Variants in TRPC4 observed in about 807,000 individuals in gnomAD.
TRPC4 encodes short transient receptor potential channel 4.
TRPC4 carries 49 observed loss-of-function variants against 99.4 expected under a neutral mutation model. The observed-to-expected ratio is 0.49, with a 90% CI of 0.39 to 0.63. The LOEUF (loss-of-function observed/expected upper bound fraction) is 0.63, where lower values mean the gene tolerates loss of function less well. Among genes scored for constraint, TRPC4 ranks in the 20% least tolerant of loss-of-function variants. The pLI is 0.00. For synonymous variants in TRPC4, 454 were observed against 425.9 expected (o/e 1.07, Z -0.81); for missense variants, 898 against 1,152.9 (o/e 0.78, Z 3.20).
In TRPC4 at chr13:37,635,063, A is replaced by G. The variant is rs1430202836; in HGVS notation, c.*1840T>C. ...ATGTTTTTAAAATCTACTAACTTTA[A>G]TGTAATTTAGTCTAAAGAATCAAAT... On this transcript the variant is annotated 3_prime_UTR_variant, in exon 11 of 11. Transcript: ENST00000379705. Among the ~76,000 whole-genome samples, 2 of 152,052 alleles carry G rather than the reference A, an allele frequency of 1.3e-5. No homozygotes were observed. The highest frequency in any genetic ancestry group is 4.8e-5 in the African/African-American group (2 of 41,426).
intron 1 of TRPC4, among the ~76,000 whole-genome samples, chr13:37,827,530 G>A (rs371482424): frequency 2.7e-4 from 41 of 151,328 alleles, no homozygotes; most frequent in Admixed American, 1.1e-3. Context: ...AGTACCCTGC[G>A]GTGTGAGGTG....
chr13:37,866,187 AT>A (rs1959734217), intron 1 of TRPC4, among the ~76,000 whole-genome samples: 1 of 151,814 alleles, frequency 6.6e-6, no homozygotes, highest in Non-Finnish European at 1.5e-5. Flanking sequence ...ATCAAGGCAT[AT>A]TTTTAAATTA....
intron 3 of TRPC4, among the ~76,000 whole-genome samples, chr13:37,740,543 G>C (rs1163703813): frequency 6.6e-6 from 1 of 152,136 alleles, no homozygotes; most frequent in Non-Finnish European, 1.5e-5. Flanking sequence ...CACAGTGTCT[G>C]CTCTATTTGT....
chr13:37,846,914 C>T (rs1017241015), intron 1 of TRPC4, among the ~76,000 whole-genome samples: 10 of 151,784 alleles, frequency 6.6e-5, no homozygotes, highest in African/African-American at 1.9e-4. Context: ...AGTAGTTACA[C>T]TTAGACAAAA....
At chr13:37,787,250 C>T (rs983315910) in intron 1 of TRPC4, among the ~76,000 whole-genome samples, 1 of 151,904 alleles carries the variant, frequency 6.6e-6, no homozygotes, top group Non-Finnish European at 1.5e-5. Flanking sequence ...TGAAAAGATA[C>T]ATGTTTACGG....
At chr13:37,806,081 CA>C (rs1957523298) in intron 1 of TRPC4, among the ~76,000 whole-genome samples, 1 of 151,896 alleles carries the variant, frequency 6.6e-6, no homozygotes. Context: ...TAGAAAGAAG[CA>C]TGCCTTTATT....
chr13:37,725,744 A>G (rs899344563), intron 3 of TRPC4, among the ~76,000 whole-genome samples: 6 of 152,192 alleles, frequency 3.9e-5, no homozygotes, highest in South Asian at 2.1e-4. Flanking sequence ...AAAGATTCCT[A>G]TATCTGGCAA....
At chr13:37,723,973 A>G (rs1448436883) in intron 3 of TRPC4, among the ~76,000 whole-genome samples, 1 of 152,192 alleles carries the variant, frequency 6.6e-6, no homozygotes, top group African/African-American at 2.4e-5. Context: ...ATAAATGCAA[A>G]GATTCTTTTA....
chr13:37,703,240 G>A (rs1384505880), intron 3 of TRPC4, among the ~76,000 whole-genome samples: 1 of 152,066 alleles, frequency 6.6e-6, no homozygotes, highest in Non-Finnish European at 1.5e-5. Flanking sequence ...CCACTTGAAA[G>A]CCACACAGGT....
At chr13:37,742,534 T>C (rs1955624211) in intron 3 of TRPC4, among the ~76,000 whole-genome samples, 1 of 152,138 alleles carries the variant, frequency 6.6e-6, no homozygotes, top group Non-Finnish European at 1.5e-5. Context: ...ATAGGGTGTG[T>C]ATAATGAGGA....
chr13:37,717,718 A>G (rs1160084557), intron 3 of TRPC4, among the ~76,000 whole-genome samples: 1 of 152,182 alleles, frequency 6.6e-6, no homozygotes, highest in Non-Finnish European at 1.5e-5. Context: ...TGTTGCTCTC[A>G]GTCTTCTAGC....
chr13:37,709,357 T>C (rs1301037958), intron 3 of TRPC4, among the ~76,000 whole-genome samples: 2 of 152,016 alleles, frequency 1.3e-5, no homozygotes, highest in African/African-American at 4.8e-5. Flanking sequence ...TGGAAGGATA[T>C]TAACCAAGCA....
At chr13:37,842,343 C>CAAAAAAAAAAAAAAAAAAAAAAAAA in intron 1 of TRPC4, among the ~76,000 whole-genome samples, 1 of 15,634 alleles carries the variant, frequency 6.4e-5, no homozygotes, top group Non-Finnish European at 1.3e-4. Context: ...AGCGTCTAGC[C>CAAAAAAAAAAAAAAAAAAAAAAAAA]AAAAAAAAAA....
chr13:37,811,991 C>A (rs763020605), intron 1 of TRPC4, among the ~76,000 whole-genome samples: 1 of 151,400 alleles, frequency 6.6e-6, no homozygotes, highest in African/African-American at 2.4e-5. Flanking sequence ...GGCAAAACAC[C>A]GTCTCTACTA....
chr13:37,634,568 G>A lies in TRPC4; in HGVS notation c.*2335C>T, dbSNP rs1175823115. Among the ~76,000 whole-genome samples the A allele has an allele frequency of 1.3e-5, 2 of 151,906 alleles. No homozygotes were observed. The highest frequency in any genetic ancestry group is 4.8e-5 in the African/African-American group (2 of 41,376). Reference sequence around the variant, plus strand: ...ACCCCTGATATAAATAAGCTACTGGGGGAAAAAAGGTTTTGTTGCTTGTAC... The same window carrying A: ...ACCCCTGATATAAATAAGCTACTGGAGGAAAAAAGGTTTTGTTGCTTGTAC... On this transcript the variant is annotated 3_prime_UTR_variant, in exon 11 of 11. Coordinates refer to ENST00000379705, the MANE Select transcript of TRPC4 (RefSeq NM_016179.4).
intron 5 of TRPC4, among the ~76,000 whole-genome samples, chr13:37,665,907 T>C (rs1431691560): frequency 6.6e-6 from 1 of 150,586 alleles, no homozygotes; most frequent in Admixed American, 6.6e-5. Flanking sequence ...TCTGCCCCAG[T>C]GTGATTATTT....
chr13:37,847,758 T>C (rs1958944957), intron 1 of TRPC4, among the ~76,000 whole-genome samples: 1 of 152,068 alleles, frequency 6.6e-6, no homozygotes, highest in Non-Finnish European at 1.5e-5. Context: ...AGACAAATAC[T>C]GTACGATCTC....
At chr13:37,808,149 G>T (rs994114826) in intron 1 of TRPC4, among the ~76,000 whole-genome samples, 2 of 151,948 alleles carry the variant, frequency 1.3e-5, no homozygotes, top group African/African-American at 2.4e-5. Context: ...TGCATTCAAA[G>T]GTATGCTTCC....
intron 2 of TRPC4, among the ~76,000 whole-genome samples, chr13:37,767,214 C>T (rs1956400595): frequency 6.6e-6 from 1 of 151,168 alleles, no homozygotes; most frequent in Admixed American, 6.6e-5. Flanking sequence ...CTTGAGACAG[C>T]ACTGACTTTA....
Sources: allele counts gnomAD v4.1 joint callset (sites outside exome capture counted in the v4.1 genomes callset), GRCh38; gene constraint gnomAD v4.1.1; transcripts MANE v1.5; gene names NCBI Gene and HGNC (gene_info 2026-07-23, HGNC 2026-07-21).